SPON1: variants seen among roughly 807,000 people sequenced by gnomAD.
The protein encoded by SPON1 is spondin-1.
SPON1 carries 52 observed loss-of-function variants against 111.7 expected under a neutral mutation model. The observed-to-expected ratio is 0.47, with a 90% CI of 0.37 to 0.59. The LOEUF is 0.59. Ranked by LOEUF, SPON1 falls within the 20% of genes least tolerant of loss-of-function variation. SPON1 has a pLI of 0.00. For missense variants in SPON1, 957 were observed against 1,068.5 expected, an observed-to-expected ratio of 0.90 and a Z score of 1.46; for synonymous variants, 410 against 395.8, an observed-to-expected ratio of 1.04 and a Z score of -0.43.
chr11:14,220,086 C>CA lies in SPON1; in HGVS notation c.826-23226dup, dbSNP rs149757475. 6.1e-3 allele frequency among the ~76,000 whole-genome samples: 720 copies of CA among 118,122 alleles called. 2 individuals are homozygous for CA. The highest frequency in any genetic ancestry group is 0.017 in the Middle Eastern group (4 of 232). 77.5% of individuals were successfully genotyped at this position (118,122 alleles called of 152,430 possible). On this transcript the variant is annotated intron_variant, in intron 6 of 15. Coordinates refer to ENST00000576479, the MANE Select transcript of SPON1 (RefSeq NM_006108.4). The stretch of plus-strand genomic sequence containing the variant: ...TGGGCAACAGAGTGAGCACTTGGAT[C>CA]AAAAAAAAAAAAAAAAAAAACTTTC...
At chr11:14,240,508 A>G (rs1467523933) in intron 6 of SPON1, among the ~76,000 whole-genome samples, 1 of 152,168 alleles carries the variant, frequency 6.6e-6, no homozygotes, top group Non-Finnish European at 1.5e-5. Flanking sequence ...TTTCATCACC[A>G]TAAATAAATG....
chr11:14,117,800 C>T (rs189838554), intron 5 of SPON1, among the ~76,000 whole-genome samples: 16 of 152,302 alleles, frequency 1.1e-4, no homozygotes, highest in South Asian at 6.2e-4. Flanking sequence ...GCTTTCTCAA[C>T]GACAAACTAG....
chr11:14,263,941 A>G (rs1324607800), intron 15 of SPON1, among the ~76,000 whole-genome samples: 1 of 152,134 alleles, frequency 6.6e-6, no homozygotes, highest in East Asian at 1.9e-4. Flanking sequence ...AAGCAGGAGA[A>G]TCACTTGAAC....
Position 14,259,032 on chromosome 11 carries a change from C to T in SPON1, c.1493-248C>T, listed in dbSNP as rs567272444. Among the ~76,000 whole-genome samples, 71 of 152,356 alleles carry T rather than the reference C, an allele frequency of 4.7e-4. 1 individual carries two copies. The highest frequency in any genetic ancestry group is 1.2e-4 in the Non-Finnish European group (8 of 68,030). ...GTACATTTTTTAAACACCATCCTTT[C>T]CATACAAGCATCTTTCGAATGTATT... is the stretch of plus-strand genomic sequence containing the variant. On this transcript the variant is annotated intron_variant, in intron 11 of 15. Coordinates refer to ENST00000576479, the MANE Select transcript of SPON1 (RefSeq NM_006108.4). The surrounding 1 kb of genome is among the most constrained non-coding windows in gnomAD (Gnocchi z 5.0).
At chr11:13,991,023 C>T (rs1204527169) in intron 2 of SPON1, among the ~76,000 whole-genome samples, 4 of 152,134 alleles carry the variant, frequency 2.6e-5, no homozygotes, top group African/African-American at 2.4e-5. Context: ...TTCATTTTAA[C>T]CTTGGTGAAT....
intron 5 of SPON1, among the ~76,000 whole-genome samples, chr11:14,084,922 T>A (rs1848993403): frequency 6.6e-6 from 1 of 152,244 alleles, no homozygotes; most frequent in African/African-American, 2.4e-5. Flanking sequence ...TTTTTTCATA[T>A]GTTTGTTGGC....
intron 6 of SPON1, among the ~76,000 whole-genome samples, chr11:14,217,074 T>C (rs558865774): frequency 1.8e-4 from 28 of 152,238 alleles, no homozygotes; most frequent in African/African-American, 6.5e-4. Flanking sequence ...GCGTCATAGG[T>C]GTTTGCTGGA....
chr11:14,169,466 G>A (rs1554932200), intron 6 of SPON1, among the ~76,000 whole-genome samples: 1 of 151,796 alleles, frequency 6.6e-6, no homozygotes, highest in African/African-American at 2.4e-5. Context: ...CACTCTGATG[G>A]TAGTTTCTTT....
At chr11:14,110,319 A>C (rs1315803725) in intron 5 of SPON1, among the ~76,000 whole-genome samples, 2 of 152,190 alleles carry the variant, frequency 1.3e-5, no homozygotes, top group Non-Finnish European at 2.9e-5. Context: ...ATTATTGAGT[A>C]ATTGCTATGC....
At chr11:14,160,945 T>TTATATATTTATATATATTTA (rs1396971999) in intron 6 of SPON1, among the ~76,000 whole-genome samples, 1 of 40,336 alleles carries the variant, frequency 2.5e-5, no homozygotes, top group Admixed American at 5.3e-4. Flanking sequence ...ATATATATAT[T>TTATATATTTATATATATTTA]TATATATTTA....
intron 5 of SPON1, among the ~76,000 whole-genome samples, chr11:14,086,352 T>G (rs1214505289): frequency 1.3e-5 from 2 of 152,246 alleles, no homozygotes; most frequent in African/African-American, 4.8e-5. Context: ...GTTTTTAGCA[T>G]GAAGCAGTGT....
chr11:14,152,944 A>C (rs1470777865), intron 6 of SPON1, among the ~76,000 whole-genome samples: 2 of 152,196 alleles, frequency 1.3e-5, no homozygotes, highest in Admixed American at 6.5e-5. Context: ...GTGACCCCAA[A>C]TTCGAGTAAA....
Position 14,161,271 on chromosome 11 carries a change from G to GTATATATATATTTATATATTTATA in SPON1, c.825+25708_825+25709insATATATTTATATATTTATATATAT, listed in dbSNP as rs1847958769. On this transcript the variant is annotated intron_variant, in intron 6 of 15. Transcript: ENST00000576479. ...TATATATTTATATATTTATATATCT[G>GTATATATATATTTATATATTTATA]TATATCTATATATATTTATATATTT... Among the ~76,000 whole-genome samples the GTATATATATATTTATATATTTATA allele has an allele frequency of 1.1e-3, 12 of 10,448 alleles. 1 individual carries two copies. Among genetic ancestry groups the GTATATATATATTTATATATTTATA allele is most frequent in the Non-Finnish European group, 2.6e-3 (10 of 3,918 alleles). 6.9% of individuals were successfully genotyped at this position (10,448 alleles called of 152,430 possible).
chr11:14,118,431 A>G (rs1849281767), intron 5 of SPON1, among the ~76,000 whole-genome samples: 1 of 152,206 alleles, frequency 6.6e-6, no homozygotes, highest in South Asian at 2.1e-4. Flanking sequence ...TAAACCATCA[A>G]CCAGCCTTTA....
chr11:13,978,267 G>A (rs1164853607), intron 1 of SPON1, among the ~76,000 whole-genome samples: 1 of 152,046 alleles, frequency 6.6e-6, no homozygotes, highest in East Asian at 1.9e-4. Flanking sequence ...TTTAGAACCA[G>A]CTTGTCAATA....
chr11:14,048,859 A>G (rs1848688213), intron 3 of SPON1, among the ~76,000 whole-genome samples: 1 of 152,172 alleles, frequency 6.6e-6, no homozygotes, highest in African/African-American at 2.4e-5. Flanking sequence ...TAGATTTCCA[A>G]CACTTACTTG....
chr11:14,160,300 A>C (rs1847894636), intron 6 of SPON1, among the ~76,000 whole-genome samples: 1 of 51,294 alleles, frequency 1.9e-5, no homozygotes, highest in African/African-American at 5.9e-5. Flanking sequence ...AAATATCACT[A>C]AGTCAAAAAT....
Position 14,160,415 on chromosome 11 carries a change from ATTT to A in SPON1, c.825+24848_825+24850del, listed in dbSNP as rs1564918824. On this transcript the variant is annotated intron_variant, in intron 6 of 15. Transcript: ENST00000576479. Reference sequence around the variant, plus strand: ...TTTATATATATATTTATATATATATATTTATATATATATATTTATATATATATT... The same window carrying A: ...TTTATATATATATTTATATATATATAATATATATATATTTATATATATATT... 4.4e-5 allele frequency among the ~76,000 whole-genome samples: 2 copies of A among 45,078 alleles called. 1 individual carries two copies. Among genetic ancestry groups the A allele is most frequent in the Non-Finnish European group, 7.2e-5 (2 of 27,726 alleles). The allele number at this position is 45,078 out of a possible 152,430, so 29.6% of individuals were successfully genotyped here. A position where few individuals can be genotyped will look rare whatever the true frequency, so the allele number is the denominator to read the frequency against.
chr11:14,170,028 TG>T (rs1848078881), intron 6 of SPON1, among the ~76,000 whole-genome samples: 1 of 152,208 alleles, frequency 6.6e-6, no homozygotes, highest in African/African-American at 2.4e-5. Flanking sequence ...TCCAATTCTG[TG>T]AAGAAAGTCA....
Sources: gnomAD v4.1 joint callset for allele counts (sites outside exome capture counted in the v4.1 genomes callset) on GRCh38, gnomAD v4.1.1 for gene constraint, Gnocchi (gnomAD v3.1) non-coding constraint, MANE v1.5 for transcripts, NCBI Gene and HGNC (gene_info 2026-07-23, HGNC 2026-07-21) for gene names.